ZNF69: variants seen among roughly 807,000 people sequenced by gnomAD.
ZNF69 encodes the protein zinc finger protein 69.
A neutral mutation model predicts 50.9 loss-of-function variants in ZNF69; 47 were observed. That is an observed-to-expected ratio of 0.92 (90% CI 0.73 to 1.18). ZNF69 has a LOEUF of 1.18. ZNF69 is among the 50% of genes most tolerant of loss of function. ZNF69 has a pLI of 0.00. For missense variants in ZNF69, 717 were observed against 675.1 expected, an observed-to-expected ratio of 1.06 and a Z score of -0.69; for synonymous variants, 216 against 223.1, an observed-to-expected ratio of 0.97 and a Z score of 0.29.
rs747282680 is a variant in ZNF69 at position 11,905,975 on chromosome 19, G to A, written c.1578G>A (p.Arg526=). The change falls in exon 4 of 4, where the codon AGG becomes AGA. Residue 526 remains arginine (R), a synonymous_variant. Coordinates refer to ENST00000429654, the MANE Select transcript of ZNF69 (RefSeq NM_001364730.1). Reference sequence around the variant, plus strand: ...CCAGTTCCTTTCGATACCATGAAAGGACTCACACTGGAGAGAAACCCTATA... The same window carrying A: ...CCAGTTCCTTTCGATACCATGAAAGAACTCACACTGGAGAGAAACCCTATA... ...SSSSSFRYHE[R]THTGEKPYKC... is the part of the protein sequence containing the mutation. 4 of 1,613,714 alleles carry A rather than the reference G, an allele frequency of 2.5e-6. No individual in the cohort carries two copies. The highest frequency in any genetic ancestry group is 3.4e-6 in the Non-Finnish European group (4 of 1,179,906).
chr19:11,947,160 T>C, the ZNF69 span: 3 of 1,611,172 alleles, frequency 1.9e-6, no homozygotes, highest in South Asian at 2.2e-5. Context: ...CATCTTCCTC[T>C]ACACATGTGA....
At chr19:11,963,015 C>G in the ZNF69 span, among the ~76,000 whole-genome samples, 1 of 151,492 alleles carries the variant, frequency 6.6e-6, no homozygotes, top group African/African-American at 2.4e-5. Context: ...AATATCACCA[C>G]CTGTTATGTT....
chr19:11,911,672 T>C (rs1235857554), downstream of ZNF69, among the ~76,000 whole-genome samples: 1 of 151,910 alleles, frequency 6.6e-6, no homozygotes, highest in Non-Finnish European at 1.5e-5. Context: ...GGGCCTGTCA[T>C]GGGGTAGGGG....
intron 1 of ZNF69, among the ~76,000 whole-genome samples, chr19:11,891,758 C>G (rs1184016006): frequency 2.0e-5 from 3 of 152,110 alleles, no homozygotes; most frequent in Non-Finnish European, 4.4e-5. Flanking sequence ...AGGATACTTG[C>G]AGGCATCTTC....
the ZNF69 span, chr19:11,925,316 G>C: frequency 5.0e-6 from 8 of 1,604,718 alleles, no homozygotes; most frequent in Non-Finnish European, 6.8e-6. Context: ...GGGAGGGGCT[G>C]CCTGGAACAG....
the ZNF69 span, chr19:11,978,940 C>A: frequency 1.9e-6 from 3 of 1,614,096 alleles, no homozygotes; most frequent in Admixed American, 5.0e-5. Flanking sequence ...GGAGAGAAGC[C>A]TTATCAATGT....
At chr19:11,953,700 A>G in the ZNF69 span, among the ~76,000 whole-genome samples, 1 of 152,196 alleles carries the variant, frequency 6.6e-6, no homozygotes, top group African/African-American at 2.4e-5. Context: ...CCCACAATAA[A>G]AAAGGTGGGG....
downstream of ZNF69, among the ~76,000 whole-genome samples, chr19:11,906,762 C>T (rs567690294): frequency 1.6e-4 from 25 of 152,314 alleles, no homozygotes; most frequent in Admixed American, 3.3e-4. Context: ...AACATCAGAG[C>T]GCCTCTTCTC....
At chr19:11,949,480 G>A in the ZNF69 span, 1 of 1,612,756 alleles carries the variant, frequency 6.2e-7, no homozygotes, top group South Asian at 1.1e-5. Flanking sequence ...CTTCAGATAT[G>A]TGAAGCACCT....
At chr19:11,907,468 C>T (rs1486993054), downstream of ZNF69, among the ~76,000 whole-genome samples, 1 of 152,166 alleles carries the variant, frequency 6.6e-6, no homozygotes, top group African/African-American at 2.4e-5. Context: ...AGACTAACAG[C>T]GGATCTCTTG....
chr19:11,924,536 G>A, the ZNF69 span, among the ~76,000 whole-genome samples: 1 of 152,110 alleles, frequency 6.6e-6, no homozygotes, highest in African/African-American at 2.4e-5. Context: ...AAGGGTTCAT[G>A]AAGTTGACAG....
At chr19:11,910,171 A>G (rs1972436684), downstream of ZNF69, among the ~76,000 whole-genome samples, 1 of 152,220 alleles carries the variant, frequency 6.6e-6, no homozygotes, top group Admixed American at 6.5e-5. Context: ...GAAATCAAAG[A>G]GGACACAAAC....
chr19:11,916,185 A>G (rs149584839), downstream of ZNF69, among the ~76,000 whole-genome samples: 96 of 152,236 alleles, frequency 6.3e-4, no homozygotes, highest in Non-Finnish European at 1.2e-3. Flanking sequence ...CCAGCTTGTC[A>G]TTAAAACAGT....
chr19:11,891,772 C>G (rs560905742), intron 1 of ZNF69, among the ~76,000 whole-genome samples: 2 of 152,230 alleles, frequency 1.3e-5, no homozygotes, highest in South Asian at 4.1e-4. Flanking sequence ...CATCTTCAGG[C>G]TGTTTTCTTC....
chr19:11,977,728 G>A, the ZNF69 span, among the ~76,000 whole-genome samples: 1 of 152,118 alleles, frequency 6.6e-6, no homozygotes, highest in Non-Finnish European at 1.5e-5. Flanking sequence ...ATTGTGGTAT[G>A]CATCGTAGTC....
At chr19:11,904,561 G>A in intron 3 of ZNF69, 88 bp from the exon 4 acceptor site, 1 of 1,508,922 alleles carries the variant, frequency 6.6e-7, no homozygotes, top group Non-Finnish European at 8.9e-7. Context: ...TTGATGGACA[G>A]TGTTAAAAAT....
chr19:11,905,697 C>G lies in ZNF69; in HGVS notation c.1300C>G (p.His434Asp). 1 of 1,613,890 alleles carries G rather than the reference C, an allele frequency of 6.2e-7. No individual in the cohort carries two copies. The highest frequency in any genetic ancestry group is 8.5e-7 in the Non-Finnish European group (1 of 1,180,000). ...CAGATCTTCCTCACACCTTCAATTG[C>G]ATGGTAGGACTCACACTGGAGAGAA... ...AFRSSSHLQL[H>D]GRTHTGEKPY... The change falls in exon 4 of 4, where the codon CAT (histidine) becomes GAT (aspartate). Residue 434 changes from histidine to aspartate, a missense_variant. Physicochemically the swap from His to Asp is moderately conservative, Grantham distance 81. Transcript: ENST00000429654.
At chr19:11,974,712 C>T in the ZNF69 span, among the ~76,000 whole-genome samples, 5 of 152,180 alleles carry the variant, frequency 3.3e-5, no homozygotes, top group East Asian at 9.7e-4. Context: ...AAACAATTCT[C>T]CCACCTCAGC....
chr19:11,950,082 A>G, the ZNF69 span: 1 of 1,614,246 alleles, frequency 6.2e-7, no homozygotes, highest in African/African-American at 1.3e-5. Context: ...ATGGATTCAC[A>G]TCTGCCAAGA....
Sources: allele counts gnomAD v4.1 joint callset (sites outside exome capture counted in the v4.1 genomes callset), GRCh38; gene constraint gnomAD v4.1.1; transcripts MANE v1.5; gene names NCBI Gene and HGNC (gene_info 2026-07-23, HGNC 2026-07-21).